PRKD2: variants seen among roughly 807,000 people sequenced by gnomAD.
The protein encoded by PRKD2 is protein kinase D2.
PRKD2 carries 22 observed loss-of-function variants against 86.0 expected under a neutral mutation model. The observed-to-expected ratio is 0.26, with a 90% CI of 0.18 to 0.37. The LOEUF (loss-of-function observed/expected upper bound fraction) is 0.37. Among genes scored for constraint, PRKD2 ranks in the 10% least tolerant of loss-of-function variants. PRKD2 has a pLI of 1.00. For missense variants in PRKD2, 818 were observed against 1,199.2 expected (o/e 0.68, Z 4.70); for synonymous variants, 509 against 510.9 (o/e 1.00, Z 0.05).
rs1280461185 is a variant in PRKD2 at position 46,693,750 on chromosome 19, G to A, written c.1576+125C>T. ...AACAGAGTTTGAACCCAGGCCTGCT[G>A]AGTCCAGAAGCTGCGTTCTCAACCC... On this transcript the variant is annotated intron_variant, in intron 10 of 17. Coordinates refer to ENST00000291281, the MANE Select transcript of PRKD2 (RefSeq NM_016457.5). The surrounding 1 kb of genome is among the most constrained non-coding windows in gnomAD (Gnocchi z 4.5). 6.6e-6 allele frequency: 9 copies of A among 1,364,166 alleles called. No homozygotes were observed. The highest frequency in any genetic ancestry group is 8.9e-6 in the Non-Finnish European group (9 of 1,011,180). The allele number at this position is 1,364,166 out of a possible 1,614,324, so 84.5% of individuals were successfully genotyped here.
chr19:46,701,939 T>A (rs1300843631), intron 5 of PRKD2, among the ~76,000 whole-genome samples: 2 of 151,964 alleles, frequency 1.3e-5, no homozygotes, highest in African/African-American at 2.4e-5. Context: ...ACCATTGCTG[T>A]AGAGTTCAGT....
rs144759215 is a variant in PRKD2, at chr19:46,702,161, C to T, written c.890-1049G>A. 8.1e-3 allele frequency among the ~76,000 whole-genome samples: 1,236 copies of T among 151,806 alleles called. 26 individuals are homozygous for T. Among genetic ancestry groups the T allele is most frequent in the East Asian group, 0.054 (276 of 5,156 alleles). On this transcript the variant is annotated intron_variant, in intron 5 of 17. Coordinates refer to ENST00000291281, the MANE Select transcript of PRKD2 (RefSeq NM_016457.5). ...TCAAGCGATCTTCCCACCTCAGCCT[C>T]CTGAGTAGCTGAAACTACAGGCACG...
Position 46,716,303 on chromosome 19 carries a change from G to T in PRKD2, c.68C>A (p.Pro23His). 1 of 1,528,922 alleles carries T rather than the reference G, an allele frequency of 6.5e-7. No individual in the cohort carries two copies. Among genetic ancestry groups the T allele is most frequent in the Non-Finnish European group, 8.8e-7 (1 of 1,140,254 alleles). 94.7% of individuals were successfully genotyped at this position (1,528,922 alleles called of 1,614,324 possible). Residue 23 changes from proline (P) to histidine (H), a missense_variant, in exon 1 of 18, where the codon CCC becomes CAC. Pro to His is a moderately conservative substitution (Grantham distance 77). Transcript: ENST00000291281. This position sits in a 1 kb window ranked among gnomAD's most constrained non-coding sequence, Gnocchi z 7.9. Reference sequence around the variant, plus strand: ...CGGCGACTGCAGCTCTAGGCCGCCGGGGGGCGGAGGAGACCCCGGCCCGGG... The same window carrying T: ...CGGCGACTGCAGCTCTAGGCCGCCGTGGGGCGGAGGAGACCCCGGCCCGGG... ...GSPGPGSPPP[P>H]GGLELQSPPP...
chr19:46,708,013 G>A (rs985217295), intron 3 of PRKD2, among the ~76,000 whole-genome samples: 4 of 152,082 alleles, frequency 2.6e-5, no homozygotes, highest in East Asian at 1.9e-4. Context: ...CAGGAGAATC[G>A]CTTGAGCCTG....
intron 16 of PRKD2, among the ~76,000 whole-genome samples, chr19:46,677,914 A>G (rs2053234765): frequency 6.6e-6 from 1 of 152,186 alleles, no homozygotes; most frequent in South Asian, 2.1e-4. Context: ...CGGCCCCAGT[A>G]CACAGCAAAG....
rs181180147 is a variant in PRKD2 at position 46,676,340 on chromosome 19, G to A, written c.2339-1222C>T. Among the ~76,000 whole-genome samples the A allele has an allele frequency of 7.2e-5, 11 of 152,192 alleles. 1 individual carries two copies. In the East Asian group the frequency reaches 9.7e-4, roughly 13 times the overall value. On this transcript the variant is annotated intron_variant, in intron 16 of 17. Coordinates refer to ENST00000291281, the MANE Select transcript of PRKD2 (RefSeq NM_016457.5). The stretch of plus-strand genomic sequence containing the variant: ...CTACTCAGGAGGCTGAGGCAGAATC[G>A]CTTGAACTCAGGAGGCAGAGGTTGC...
intron 16 of PRKD2, among the ~76,000 whole-genome samples, chr19:46,675,510 C>G (rs911657338): frequency 2.0e-5 from 3 of 152,136 alleles, no homozygotes; most frequent in African/African-American, 7.2e-5. Flanking sequence ...ATGGCACGAT[C>G]TTGGCTCACT....
intron 5 of PRKD2, among the ~76,000 whole-genome samples, 197 bp downstream of exon 5, chr19:46,703,958 AACACACACACACAC>A (rs10528388): frequency 1.0e-4 from 14 of 133,658 alleles, no homozygotes; most frequent in Non-Finnish European, 1.6e-4. Flanking sequence ...AAACAACAAC[AACACACACACACAC>A]ACACACACAC....
intron 3 of PRKD2, 53 bp downstream of exon 3, chr19:46,710,854 C>CCCCCGGTGCAGAG: frequency 6.6e-7 from 1 of 1,505,096 alleles, no homozygotes; most frequent in Non-Finnish European, 8.9e-7. Flanking sequence ...TTACGCTCCG[C>CCCCCGGTGCAGAG]CCCCGGTGCA....
intron 10 of PRKD2, 40 bp from the exon 11 acceptor site, chr19:46,692,025 C>G: frequency 3.1e-6 from 5 of 1,591,234 alleles, no homozygotes; most frequent in Non-Finnish European, 4.3e-6. Flanking sequence ...GGACTCCAGG[C>G]TCAGGATTAT....
intron 3 of PRKD2, among the ~76,000 whole-genome samples, chr19:46,709,663 G>GT (rs2053773718): frequency 6.6e-6 from 1 of 151,394 alleles, no homozygotes. Flanking sequence ...ACCCGGCCCA[G>GT]TGGAGGTATT....
At chr19:46,705,743 C>T (rs1416678877) in intron 3 of PRKD2, among the ~76,000 whole-genome samples, 2 of 150,946 alleles carry the variant, frequency 1.3e-5, no homozygotes, top group African/African-American at 4.9e-5. Flanking sequence ...GCTGAGATCA[C>T]GCCACTGCAC....
Position 46,716,643 on chromosome 19 carries a change from T to G in PRKD2, c.-273A>C. 23 of 296,312 alleles carry G rather than the reference T, an allele frequency of 7.8e-5. No individual in the cohort carries two copies. The highest frequency in any genetic ancestry group is 1.2e-4 in the Non-Finnish European group (19 of 161,416). The allele number at this position is 296,312 out of a possible 1,614,324, so 18.4% of individuals were successfully genotyped here. On this transcript the variant is annotated 5_prime_UTR_variant, in exon 1 of 18. Transcript: ENST00000291281. The surrounding 1 kb of genome is among the most constrained non-coding windows in gnomAD (Gnocchi z 7.9). Reference sequence around the variant, plus strand: ...GGGTTGGAGGTCCCAGCGATTGAGATTCCAAGAAGCCTGAGAGGAAATCTA... The same window carrying G: ...GGGTTGGAGGTCCCAGCGATTGAGAGTCCAAGAAGCCTGAGAGGAAATCTA...
intron 15 of PRKD2, among the ~76,000 whole-genome samples, chr19:46,680,948 T>TATATATA (rs55813443): frequency 3.0e-4 from 8 of 26,532 alleles, no homozygotes; most frequent in South Asian, 2.5e-3. Flanking sequence ...ATATATATAT[T>TATATATA]TTTTTTTTTT....
chr19:46,699,056 G>A (rs2122716643), intron 7 of PRKD2, among the ~76,000 whole-genome samples: 1 of 152,200 alleles, frequency 6.6e-6, no homozygotes, highest in South Asian at 2.1e-4. Context: ...CACTGTGACT[G>A]GCTTACCCAT....
At chr19:46,697,284 G>C (rs926923209) in intron 8 of PRKD2, 50 bp from the exon 9 acceptor site, 3 of 1,407,636 alleles carry the variant, frequency 2.1e-6, no homozygotes. Context: ...TTCCTGCCCA[G>C]TCCCTATCCC....
chr19:46,696,601 T>C (rs2053561726), intron 9 of PRKD2, among the ~76,000 whole-genome samples: 1 of 151,782 alleles, frequency 6.6e-6, no homozygotes, highest in Non-Finnish European at 1.5e-5. Context: ...CTACTAAAAA[T>C]ACAAAAATTA....
intron 15 of PRKD2, among the ~76,000 whole-genome samples, chr19:46,679,522 G>C (rs1180035093): frequency 2.6e-5 from 4 of 152,218 alleles, no homozygotes; most frequent in Non-Finnish European, 5.9e-5. Context: ...GTATTGGGGG[G>C]TTGTTGATAG....
intron 1 of PRKD2, among the ~76,000 whole-genome samples, chr19:46,715,539 G>A (rs779391979): frequency 6.6e-6 from 1 of 152,140 alleles, no homozygotes; most frequent in Non-Finnish European, 1.5e-5. Context: ...TGCCCACCCT[G>A]GGGACCCTGG....
Sources: gnomAD v4.1 joint callset for allele counts (sites outside exome capture counted in the v4.1 genomes callset) on GRCh38, gnomAD v4.1.1 for gene constraint, Gnocchi (gnomAD v3.1) non-coding constraint, MANE v1.5 for transcripts, NCBI Gene and HGNC (gene_info 2026-07-23, HGNC 2026-07-21) for gene names.